The following JAM3 variants were observed in gnomAD, a reference collection of about 807,000 sequenced individuals.
The protein encoded by JAM3 is junctional adhesion molecule 3, also known as junctional adhesion molecule C.
JAM3 carries 31 observed loss-of-function variants against 39.4 expected under a neutral mutation model. That is an observed-to-expected ratio of 0.79 (90% CI 0.59 to 1.06). The LOEUF (loss-of-function observed/expected upper bound fraction) is 1.06. Among genes scored for constraint, JAM3 ranks in the 50% least tolerant of loss-of-function variants. JAM3 has a pLI of 0.00. For missense variants in JAM3, 455 were observed against 391.4 expected, an observed-to-expected ratio of 1.16 and a Z score of -1.37; for synonymous variants, 182 against 148.7, an observed-to-expected ratio of 1.22 and a Z score of -1.63.
At chr11:134,134,986 T>C (rs976862922) in intron 1 of JAM3, among the ~76,000 whole-genome samples, 1 of 152,144 alleles carries the variant, frequency 6.6e-6, no homozygotes. Flanking sequence ...TCCTTTGATG[T>C]TTAAATTTTT....
intron 1 of JAM3, among the ~76,000 whole-genome samples, chr11:134,103,993 C>G (rs1168572504): frequency 6.6e-6 from 1 of 152,230 alleles, no homozygotes; most frequent in Non-Finnish European, 1.5e-5. Flanking sequence ...GAACTCAGCT[C>G]TGCACCAAGC....
chr11:134,088,280 A>C (rs936172998), intron 1 of JAM3, among the ~76,000 whole-genome samples: 1 of 152,206 alleles, frequency 6.6e-6, no homozygotes, highest in Non-Finnish European at 1.5e-5. Flanking sequence ...TACATTTACC[A>C]ATGATGTATT....
intron 1 of JAM3, among the ~76,000 whole-genome samples, chr11:134,078,760 C>T (rs958887140): frequency 3.9e-5 from 6 of 152,110 alleles, no homozygotes; most frequent in East Asian, 3.9e-4. Flanking sequence ...AATTATGGGC[C>T]GAGCACAGTG....
chr11:134,121,233 C>T (rs1942526639), intron 1 of JAM3, among the ~76,000 whole-genome samples: 1 of 152,210 alleles, frequency 6.6e-6, no homozygotes, highest in African/African-American at 2.4e-5. Context: ...TGTCTGGCAT[C>T]AGATCCGCAG....
At chr11:134,098,817 C>G (rs1942027820) in intron 1 of JAM3, among the ~76,000 whole-genome samples, 1 of 152,134 alleles carries the variant, frequency 6.6e-6, no homozygotes, top group African/African-American at 2.4e-5. Flanking sequence ...ACTCCTTCAG[C>G]TAGCATGTTT....
At chr11:134,126,777 A>G (rs569636165) in intron 1 of JAM3, among the ~76,000 whole-genome samples, 7 of 152,346 alleles carry the variant, frequency 4.6e-5, no homozygotes, top group African/African-American at 1.7e-4. Flanking sequence ...ATCTGGAAGT[A>G]AAACTGTCTT....
chr11:134,112,434 A>G (rs1231472071), intron 1 of JAM3, among the ~76,000 whole-genome samples: 1 of 152,172 alleles, frequency 6.6e-6, no homozygotes, highest in African/African-American at 2.4e-5. Context: ...CAGAGATGGA[A>G]GTGCAGGTTT....
intron 1 of JAM3, among the ~76,000 whole-genome samples, chr11:134,105,203 G>T (rs994045150): frequency 6.6e-6 from 1 of 152,032 alleles, no homozygotes; most frequent in East Asian, 1.9e-4. Flanking sequence ...TTCAACATAC[G>T]CAAATCAATA....
In JAM3 at chr11:134,138,479, G is replaced by A. The variant is rs549391717; in HGVS notation, c.77-1372G>A. Reference sequence around the variant, plus strand: ...CCAGTGGTGGTGTCTCGTCGAAGTCGTGGTGCTCATGCTGAGAGAAATGTT... The same window carrying A: ...CCAGTGGTGGTGTCTCGTCGAAGTCATGGTGCTCATGCTGAGAGAAATGTT... On this transcript the variant is annotated intron_variant, in intron 1 of 8. Transcript: ENST00000299106. Among the ~76,000 whole-genome samples the A allele has an allele frequency of 2.6e-4, 39 of 151,568 alleles. No individual in the cohort carries two copies. The South Asian group carries it at 4.8e-3, about 19-fold the overall frequency.
chr11:134,121,821 G>GCGCACACACACA (rs369702081), intron 1 of JAM3, among the ~76,000 whole-genome samples: 56 of 148,512 alleles, frequency 3.8e-4, no homozygotes, highest in African/African-American at 1.3e-3. Flanking sequence ...GCATGTGTGC[G>GCGCACACACACA]CACACACACA....
chr11:134,075,480 T>C (rs187103812), intron 1 of JAM3, among the ~76,000 whole-genome samples: 193 of 151,388 alleles, frequency 1.3e-3, no homozygotes, highest in African/African-American at 4.6e-3. Context: ...ATTGTGCTTA[T>C]TGCTCTATCT....
chr11:134,112,475 G>A (rs758968896), intron 1 of JAM3, among the ~76,000 whole-genome samples: 2 of 152,098 alleles, frequency 1.3e-5, no homozygotes, highest in Non-Finnish European at 2.9e-5. Context: ...AAACTACTAT[G>A]TGTGTGTGTT....
Position 134,140,678 on chromosome 11 carries a change from T to C in JAM3, c.164T>C (p.Ile55Thr). ...EFESVELSCI[I>T]TDSQTSDPRI... is the part of the protein sequence containing the mutation. The stretch of plus-strand genomic sequence containing the variant: ...TTAGGTGTGGAACTGTCTTGCATCA[T>C]TACGGATTCGCAGACAAGTGACCCC... The change falls in exon 3 of 9, where the codon ATT (isoleucine) becomes ACT (threonine). Residue 55 changes from isoleucine (I) to threonine (T), a missense_variant. Coordinates refer to ENST00000299106, the MANE Select transcript of JAM3 (RefSeq NM_032801.5). The C allele has an allele frequency of 6.2e-7, 1 of 1,613,652 alleles. No individual in the cohort carries two copies. Among genetic ancestry groups the C allele is most frequent in the South Asian group, 1.1e-5 (1 of 91,072 alleles).
At chr11:134,135,205 T>TA (rs1042392966) in intron 1 of JAM3, among the ~76,000 whole-genome samples, 1 of 152,208 alleles carries the variant, frequency 6.6e-6, no homozygotes, top group Non-Finnish European at 1.5e-5. Context: ...TGACTTAATA[T>TA]AAGGGTCTAA....
rs117919989 is a variant in JAM3, at chr11:134,070,255, T to C, written c.76+1096T>C. On this transcript the variant is annotated intron_variant, in intron 1 of 8. Transcript: ENST00000299106. ...ATTTACCTAAAGCAGGACACCACAC[T>C]CTTCCCCTGGCAGCCATCCGCAGGT... 6.7e-4 allele frequency: 306 copies of C among 455,800 alleles called. 1 individual carries two copies. In the East Asian group the frequency reaches 0.017, roughly 25 times the overall value. The allele number at this position is 455,800 out of a possible 1,614,324, so 28.2% of individuals were successfully genotyped here. A position where few individuals can be genotyped will look rare whatever the true frequency, so the allele number is the denominator to read the frequency against.
At chr11:134,138,609 A>G (rs889665794) in intron 1 of JAM3, among the ~76,000 whole-genome samples, 1 of 152,222 alleles carries the variant, frequency 6.6e-6, no homozygotes, top group Non-Finnish European at 1.5e-5. Flanking sequence ...ATTTTGAAGG[A>G]GAAGTAGAAG....
intron 1 of JAM3, among the ~76,000 whole-genome samples, chr11:134,129,339 A>G (rs1942718864): frequency 1.3e-5 from 2 of 151,898 alleles, no homozygotes; most frequent in African/African-American, 4.8e-5. Context: ...GATGGTCTCA[A>G]TCTCCTGACC....
chr11:134,131,421 AAC>A (rs1235747551), intron 1 of JAM3, among the ~76,000 whole-genome samples: 3 of 152,062 alleles, frequency 2.0e-5, no homozygotes, highest in Admixed American at 1.3e-4. Context: ...TTTTTTAAAA[AAC>A]ACAGCAAATC....
intron 1 of JAM3, among the ~76,000 whole-genome samples, chr11:134,089,076 C>T (rs1941796017): frequency 6.6e-6 from 1 of 152,174 alleles, no homozygotes; most frequent in Non-Finnish European, 1.5e-5. Context: ...GAATTCCATG[C>T]TAGTGAAGAG....
Sources: allele counts gnomAD v4.1 joint callset (sites outside exome capture counted in the v4.1 genomes callset), GRCh38; gene constraint gnomAD v4.1.1; transcripts MANE v1.5; gene names NCBI Gene and HGNC (gene_info 2026-07-23, HGNC 2026-07-21).